Variants in SGCD observed in about 807,000 individuals in gnomAD.
SGCD encodes the protein delta-sarcoglycan.
A neutral mutation model predicts 36.6 loss-of-function variants in SGCD; 18 were observed. That is an observed-to-expected ratio of 0.49 (90% CI 0.34 to 0.73). The LOEUF (loss-of-function observed/expected upper bound fraction) is 0.73, where lower values mean the gene tolerates loss of function less well. SGCD is among the 30% of genes least tolerant of loss of function. SGCD has a pLI of 0.01. For missense variants in SGCD, 387 were observed against 346.7 expected, an observed-to-expected ratio of 1.12 and a Z score of -0.92; for synonymous variants, 133 against 130.6, an observed-to-expected ratio of 1.02 and a Z score of -0.12.
intron 3 of SGCD, among the ~76,000 whole-genome samples, chr5:156,480,913 A>C (rs1285972907): frequency 6.6e-6 from 1 of 152,210 alleles, no homozygotes. Flanking sequence ...AAAAGGTCAC[A>C]ATATATCTGA....
chr5:156,330,343 T>G (rs1378907232), intron 2 of SGCD, among the ~76,000 whole-genome samples: 6 of 152,074 alleles, frequency 3.9e-5, no homozygotes, highest in African/African-American at 1.4e-4. Context: ...GGGGCAGAAG[T>G]GGGGTTGAGA....
chr5:156,180,579 G>A (rs1445423996), intron 3 of SGCD, among the ~76,000 whole-genome samples: 1 of 152,032 alleles, frequency 6.6e-6, no homozygotes, highest in Non-Finnish European at 1.5e-5. Context: ...GAGGGGCCAG[G>A]GGAAAGCTTA....
At position 155,978,427 on chromosome 5, in the gene SGCD, G is replaced by A. The variant is rs115247289; in HGVS notation, c.-282+108003G>A. ...AAAACACCTGGCTTATTACAACCTT[G>A]TGAAGGAATGAAAACACAGGCCATA... On this transcript the variant is annotated intron_variant, in intron 1 of 9. Transcript: ENST00000517913. Among the ~76,000 whole-genome samples, 251 of 152,348 alleles carry A rather than the reference G, an allele frequency of 1.6e-3. 1 individual carries two copies. Among genetic ancestry groups the A allele is most frequent in the Non-Finnish European group, 2.8e-3 (193 of 68,024 alleles).
chr5:156,633,505 C>A (rs933497164), intron 6 of SGCD, among the ~76,000 whole-genome samples: 56 of 152,110 alleles, frequency 3.7e-4, no homozygotes, highest in African/African-American at 1.3e-3. Context: ...GCTAGATTTG[C>A]CTGTGTTTGG....
intron 1 of SGCD, among the ~76,000 whole-genome samples, chr5:156,039,587 A>G (rs1221756193): frequency 1.3e-5 from 2 of 152,222 alleles, no homozygotes; most frequent in Non-Finnish European, 2.9e-5. Context: ...AAACTAGACA[A>G]TTGAAACATT....
chr5:155,834,596 AGTG>A, the SGCD span, among the ~76,000 whole-genome samples: 1 of 152,212 alleles, frequency 6.6e-6, no homozygotes, highest in Non-Finnish European at 1.5e-5. Context: ...GTTTTACACA[AGTG>A]GTGCTTGCCA....
chr5:156,183,962 C>T (rs957307795), intron 3 of SGCD, among the ~76,000 whole-genome samples: 28 of 152,134 alleles, frequency 1.8e-4, no homozygotes, highest in African/African-American at 6.5e-4. Context: ...AGTAGGGTTA[C>T]ATTTTGACAA....
chr5:156,438,255 C>T (rs568631727), intron 3 of SGCD, among the ~76,000 whole-genome samples: 1 of 152,134 alleles, frequency 6.6e-6, no homozygotes, highest in African/African-American at 2.4e-5. Context: ...TAAAAATTAC[C>T]ACTGCTTTTC....
the SGCD span, among the ~76,000 whole-genome samples, chr5:155,786,408 C>G: frequency 6.6e-6 from 1 of 152,142 alleles, no homozygotes; most frequent in Non-Finnish European, 1.5e-5. Flanking sequence ...GCAGAAACAT[C>G]CTGGGCAGAC....
At chr5:156,721,675 A>G (rs1755510351) in intron 7 of SGCD, among the ~76,000 whole-genome samples, 1 of 152,192 alleles carries the variant, frequency 6.6e-6, no homozygotes, top group African/African-American at 2.4e-5. Context: ...GATGATACAG[A>G]AGAGAGGCTA....
intron 1 of SGCD, among the ~76,000 whole-genome samples, chr5:155,980,357 G>A (rs754808167): frequency 6.6e-6 from 1 of 151,698 alleles, no homozygotes; most frequent in South Asian, 2.1e-4. Flanking sequence ...AGGCCTAGGC[G>A]GGCGGATCAT....
chr5:156,236,065 T>C (rs1028115031), intron 3 of SGCD, among the ~76,000 whole-genome samples: 3 of 152,242 alleles, frequency 2.0e-5, no homozygotes, highest in Admixed American at 6.5e-5. Context: ...ATTTTTAGAA[T>C]AGATCATTTT....
intron 4 of SGCD, among the ~76,000 whole-genome samples, chr5:156,535,449 C>T (rs1561761960): frequency 6.6e-6 from 1 of 152,176 alleles, no homozygotes; most frequent in South Asian, 2.1e-4. Context: ...TTGGCAGACT[C>T]AATGAGATTC....
At chr5:156,124,433 T>G (rs1001933994) in intron 3 of SGCD, among the ~76,000 whole-genome samples, 16 of 152,166 alleles carry the variant, frequency 1.1e-4, no homozygotes, top group Non-Finnish European at 1.8e-4. Context: ...CACAGGAGAC[T>G]TTGACAAAAT....
At chr5:156,504,924 T>C (rs116652084) in intron 3 of SGCD, among the ~76,000 whole-genome samples, 164 of 152,344 alleles carry the variant, frequency 1.1e-3, no homozygotes, top group Non-Finnish European at 2.2e-3. Context: ...AGTAATCGTA[T>C]CATGCATGTA....
At chr5:156,500,106 A>G (rs1756380507) in intron 3 of SGCD, among the ~76,000 whole-genome samples, 1 of 152,114 alleles carries the variant, frequency 6.6e-6, no homozygotes, top group South Asian at 2.1e-4. Context: ...CCAACCCCCC[A>G]ATAATTAATT....
At position 156,762,031 on chromosome 5, in the gene SGCD, T is replaced by A. The variant is rs1757508826; in HGVS notation, c.*2641T>A. On this transcript the variant is annotated 3_prime_UTR_variant, in exon 9 of 9. Coordinates refer to ENST00000337851, the MANE Select transcript of SGCD (RefSeq NM_000337.6). ...TGCATTATAAGTTTCTCAATGTACA[T>A]CTTTTTATCCCAACACCCTCAAACT... 6.6e-6 allele frequency: 1 copy of A among 152,664 alleles called. No individual in the cohort carries two copies. Among genetic ancestry groups the A allele is most frequent in the Admixed American group, 6.5e-5 (1 of 15,282 alleles). The allele number at this position is 152,664 out of a possible 1,614,324, so 9.5% of individuals were successfully genotyped here.
At chr5:156,592,745 C>T (rs1760773661) in intron 5 of SGCD, among the ~76,000 whole-genome samples, 1 of 152,146 alleles carries the variant, frequency 6.6e-6, no homozygotes, top group South Asian at 2.1e-4. Flanking sequence ...GATAAGATGA[C>T]TTCCGGGTTC....
intron 1 of SGCD, among the ~76,000 whole-genome samples, chr5:156,070,512 G>A (rs1760513710): frequency 6.7e-6 from 1 of 150,210 alleles, no homozygotes; most frequent in Admixed American, 6.6e-5. Flanking sequence ...GCTTTTTGAT[G>A]TGCTGCTGGA....
Sources: allele counts gnomAD v4.1 joint callset (sites outside exome capture counted in the v4.1 genomes callset), GRCh38; gene constraint gnomAD v4.1.1; transcripts MANE v1.5; gene names NCBI Gene and HGNC (gene_info 2026-07-23, HGNC 2026-07-21).